Variants in XPNPEP2 observed in about 807,000 individuals in gnomAD.
XPNPEP2 encodes the protein xaa-Pro aminopeptidase 2.
XPNPEP2 carries 64 observed loss-of-function variants against 59.8 expected under a neutral mutation model. The observed-to-expected ratio is 1.07, with a 90% CI of 0.87 to 1.32. The LOEUF is 1.32. XPNPEP2 is among the 40% of genes most tolerant of loss of function. XPNPEP2 has a pLI of 0.00. For missense variants in XPNPEP2, 575 were observed against 546.8 expected (o/e 1.05, Z -0.51); for synonymous variants, 235 against 210.0 (o/e 1.12, Z -1.03).
intron 8 of XPNPEP2, among the ~76,000 whole-genome samples, chrX:129,751,260 C>T (rs1926391464): frequency 9.1e-6 from 1 of 109,771 alleles, no homozygotes; most frequent in Non-Finnish European, 1.9e-5. Context: ...GTAATCCCAG[C>T]ACTTTGGGAG....
At position 129,746,536 on chromosome X, in the gene XPNPEP2, G is replaced by A. The variant is rs1012273895; in HGVS notation, c.404-59G>A. On this transcript the variant is annotated intron_variant, in intron 5 of 20. Coordinates refer to ENST00000371106, the MANE Select transcript of XPNPEP2 (RefSeq NM_003399.6). ...GGACCATCAGACAGAACCCCTGGCTGGAGAGCCTGGGGCTGGCCCTGAAGG... is the reference window on the plus strand; with the variant it reads ...GGACCATCAGACAGAACCCCTGGCTAGAGAGCCTGGGGCTGGCCCTGAAGG... The A allele has an allele frequency of 8.8e-5, 96 of 1,094,083 alleles. 1 individual carries two copies. The Admixed American group carries it at 2.1e-3, about 24-fold the overall frequency. 90.2% of individuals were successfully genotyped at this position (1,094,083 alleles called of 1,213,427 possible). A position where few individuals can be genotyped will look rare whatever the true frequency, so the allele number is the denominator to read the frequency against.
rs143678145 is a variant in XPNPEP2 at position 129,750,550 on chromosome X, G to A, written c.720G>A (p.Ser240=). The stretch of plus-strand genomic sequence containing the variant: ...AGGTCCCGACTGCCGTCCTTCTGTC[G>A]GCGCTTGAGGAGACGGCCTGTGAGT... ...HQKVPTAVLL[S]ALEETAWLFN... Residue 240 remains serine, a synonymous_variant, in exon 8 of 21, where the codon TCG becomes TCA. Coordinates refer to ENST00000371106, the MANE Select transcript of XPNPEP2 (RefSeq NM_003399.6). 25 of 1,185,821 alleles carry A rather than the reference G, an allele frequency of 2.1e-5. No homozygotes were observed. The highest frequency in any genetic ancestry group is 2.6e-5 in the Non-Finnish European group (23 of 883,290).
At position 129,753,255 on chromosome X, in the gene XPNPEP2, C is replaced by T; in HGVS notation, c.1107+7C>T. The T allele has an allele frequency of 8.3e-7, 1 of 1,206,267 alleles. No individual in the cohort carries two copies. The highest frequency in any genetic ancestry group is 1.1e-6 in the Non-Finnish European group (1 of 890,379). On this transcript the variant is annotated splice_region_variant and intron_variant, in intron 11 of 20. Coordinates refer to ENST00000371106, the MANE Select transcript of XPNPEP2 (RefSeq NM_003399.6). ...CCTCCTCAAGGCCAGCCACGTAAGT[C>T]CACGTTCAGGCAGACATGGCCTTTT... is the stretch of plus-strand genomic sequence containing the variant.
rs1264326720 is a variant in XPNPEP2, at chrX:129,742,163, C to T, written c.105C>T (p.Asn35=). The change falls in exon 2 of 21, where the codon AAC becomes AAT. Residue 35 remains asparagine (N), a synonymous_variant. Coordinates refer to ENST00000371106, the MANE Select transcript of XPNPEP2 (RefSeq NM_003399.6). ...PVDLGGQDVR[N]CSTNPPYLPV... ...ACCTTGGAGGGCAGGATGTGAGAAA[C>T]TGTTCCACCAACCCCCCTGTGAGTG... 3.3e-6 allele frequency: 4 copies of T among 1,207,500 alleles called. No individual in the cohort carries two copies. In the Admixed American group the frequency reaches 8.7e-5, roughly 26 times the overall value.
chrX:129,743,146 C>G (rs1482253033), intron 2 of XPNPEP2, among the ~76,000 whole-genome samples: 6 of 112,284 alleles, frequency 5.3e-5, no homozygotes, highest in Non-Finnish European at 1.1e-4. Context: ...TTATGGGACC[C>G]CTGGGGCAGG....
At position 129,769,432 on chromosome X, in the gene XPNPEP2, C is replaced by T. The variant is rs1057421191; in HGVS notation, c.*947C>T. The T allele has an allele frequency of 2.7e-5, 3 of 112,373 alleles. No homozygotes were observed. The South Asian group carries it at 1.1e-3, about 41-fold the overall frequency. The allele number at this position is 112,373 out of a possible 1,213,427, so 9.3% of individuals were successfully genotyped here. A position where few individuals can be genotyped will look rare whatever the true frequency, so the allele number is the denominator to read the frequency against. ...TGAGCCCACCTCCCAGCCCTCTCCT[C>T]ATTCTCTGAACCCACTGTGGTGAGA... On this transcript the variant is annotated 3_prime_UTR_variant, in exon 21 of 21. Transcript: ENST00000371106.
At chrX:129,749,769 G>T (rs1926359311) in intron 7 of XPNPEP2, among the ~76,000 whole-genome samples, 2 of 113,034 alleles carry the variant, frequency 1.8e-5, no homozygotes, top group Non-Finnish European at 3.7e-5. Context: ...TATCAAGACA[G>T]TACGGTGTCT....
At chrX:129,741,725 T>G (rs1252812610) in intron 1 of XPNPEP2, among the ~76,000 whole-genome samples, 1 of 111,740 alleles carries the variant, frequency 8.9e-6, no homozygotes, top group Non-Finnish European at 1.9e-5. Context: ...GAAGGTGGGG[T>G]GATTATTTAG....
chrX:129,744,243 C>T (rs1185693860), intron 3 of XPNPEP2, among the ~76,000 whole-genome samples, 172 bp downstream of exon 3: 1 of 112,278 alleles, frequency 8.9e-6, no homozygotes. Flanking sequence ...GAATGTATCC[C>T]TCTACATAGG....
chrX:129,748,812 G>T (rs1926344794), intron 7 of XPNPEP2, among the ~76,000 whole-genome samples: 1 of 111,446 alleles, frequency 9.0e-6, no homozygotes, highest in Non-Finnish European at 1.9e-5. Flanking sequence ...CCTTCCTGGG[G>T]CTGGAAGGGT....
At chrX:129,746,132 C>T in intron 4 of XPNPEP2, 104 bp from the exon 5 acceptor site, 1 of 625,976 alleles carries the variant, frequency 1.6e-6, no homozygotes, top group Non-Finnish European at 2.5e-6. Context: ...TTTCCAGAGG[C>T]CCCTTGTGGC....
chrX:129,762,779 C>A lies in XPNPEP2; in HGVS notation c.1740+9C>A. 8.3e-7 allele frequency: 1 copy of A among 1,206,324 alleles called. No homozygotes were observed. Among genetic ancestry groups the A allele is most frequent in the Non-Finnish European group, 1.1e-6 (1 of 890,446 alleles). ...TAGAAGCAAAGACCAAGGTAAACTG[C>A]CACCAGGATGGGCTGGAGGTGTGGG... On this transcript the variant is annotated intron_variant, in intron 19 of 20. Coordinates refer to ENST00000371106, the MANE Select transcript of XPNPEP2 (RefSeq NM_003399.6).
Position 129,753,249 on chromosome X carries a change from G to A in XPNPEP2, c.1107+1G>A, listed in dbSNP as rs759911544. 67 of 1,206,543 alleles carry A rather than the reference G, an allele frequency of 5.6e-5. No individual in the cohort carries two copies. Among genetic ancestry groups the A allele is most frequent in the Non-Finnish European group, 6.4e-5 (57 of 891,863 alleles). On this transcript the variant is annotated splice_donor_variant, in intron 11 of 20. Transcript: ENST00000371106. LOFTEE classifies it high-confidence loss of function. The stretch of plus-strand genomic sequence containing the variant: ...GCAGGCCCTCCTCAAGGCCAGCCAC[G>A]TAAGTCCACGTTCAGGCAGACATGG...
intron 14 of XPNPEP2, among the ~76,000 whole-genome samples, chrX:129,757,672 G>A (rs149698899): frequency 1.4e-3 from 146 of 106,708 alleles, no homozygotes; most frequent in Non-Finnish European, 2.4e-3. Flanking sequence ...CGGGTGTGGT[G>A]GAGCATGCTT....
intron 10 of XPNPEP2, 85 bp downstream of exon 10, chrX:129,752,430 C>T: frequency 9.8e-7 from 1 of 1,019,304 alleles, no homozygotes; most frequent in Non-Finnish European, 1.3e-6. Flanking sequence ...AGGTGAAGCC[C>T]CTCAGCCATT....
At chrX:129,753,105 G>T (rs772982670) in intron 10 of XPNPEP2, 54 bp from the exon 11 acceptor site, 1 of 1,053,747 alleles carries the variant, frequency 9.5e-7, no homozygotes, top group East Asian at 3.0e-5. Flanking sequence ...CTCCTTTACT[G>T]TGCCCCCAGA....
chrX:129,757,593 G>A (rs185573398), intron 14 of XPNPEP2, among the ~76,000 whole-genome samples: 2 of 107,406 alleles, frequency 1.9e-5, no homozygotes, highest in African/African-American at 3.4e-5. Flanking sequence ...ATCACCTGAG[G>A]TCAGGAGCTT....
At chrX:129,752,108 A>C in intron 9 of XPNPEP2, 42 bp from the exon 10 acceptor site, 1 of 1,176,692 alleles carries the variant, frequency 8.5e-7, no homozygotes, top group Non-Finnish European at 1.1e-6. Context: ...TTGCATCCTT[A>C]GCAGATGCTC....
chrX:129,739,949 C>G lies in XPNPEP2; in HGVS notation c.49+687C>G, dbSNP rs187442908. Reference sequence around the variant, plus strand: ...AGCCCAGCGCTCCCACCCTAGCCTTCCTTTCTTTGTTGTCTGTCAGCAGGG... The same window carrying G: ...AGCCCAGCGCTCCCACCCTAGCCTTGCTTTCTTTGTTGTCTGTCAGCAGGG... On this transcript the variant is annotated intron_variant, in intron 1 of 20. Transcript: ENST00000371106. 2.0e-4 allele frequency among the ~76,000 whole-genome samples: 22 copies of G among 112,564 alleles called. No homozygotes were observed. In the East Asian group the frequency reaches 5.6e-3, roughly 29 times the overall value.
Sources: gnomAD v4.1 joint callset for allele counts (sites outside exome capture counted in the v4.1 genomes callset) on GRCh38, gnomAD v4.1.1 for gene constraint, MANE v1.5 for transcripts, NCBI Gene and HGNC (gene_info 2026-07-23, HGNC 2026-07-21) for gene names.